The following IL1RAPL1 variants were observed in gnomAD, a reference collection of about 807,000 sequenced individuals.
The protein encoded by IL1RAPL1 is interleukin 1 receptor accessory protein like 1, also known as interleukin-1 receptor accessory protein-like 1.
IL1RAPL1 carries 3 observed loss-of-function variants against 48.4 expected under a neutral mutation model. The ratio of observed to expected loss-of-function variants is 0.06; its 90% confidence interval spans 0.03 to 0.16. The LOEUF (loss-of-function observed/expected upper bound fraction) is 0.16. IL1RAPL1 is among the 10% of genes least tolerant of loss of function. The pLI is 1.00. For synonymous variants in IL1RAPL1, 185 were observed against 187.7 expected, an observed-to-expected ratio of 0.99 and a Z score of 0.12; for missense variants, 349 against 530.6, an observed-to-expected ratio of 0.66 and a Z score of 3.36.
intron 5 of IL1RAPL1, among the ~76,000 whole-genome samples, chrX:29,667,697 G>T (rs965442817): frequency 3.6e-5 from 4 of 112,086 alleles, no homozygotes; most frequent in African/African-American, 1.3e-4. Flanking sequence ...CAAACTCTTA[G>T]ATTTGTGGGC....
intron 1 of IL1RAPL1, among the ~76,000 whole-genome samples, chrX:28,640,079 A>T (rs1934514873): frequency 8.9e-6 from 1 of 111,871 alleles, no homozygotes; most frequent in Non-Finnish European, 1.9e-5. Context: ...CCAGGAACAT[A>T]TAGTGGCCAT....
rs60632925 is a variant in IL1RAPL1, at chrX:29,122,409, T to TCTCACACA, written c.83-160528_83-160527insTCACACAC. 9.1e-3 allele frequency among the ~76,000 whole-genome samples: 585 copies of TCTCACACA among 64,575 alleles called. 11 individuals are homozygous for TCTCACACA. The highest frequency in any genetic ancestry group is 0.027 in the African/African-American group (340 of 12,819). 56.1% of individuals were successfully genotyped at this position (64,575 alleles called of 115,157 possible). ...CTCTCTCTCTCTTTCTCTCTCTCTC[T>TCTCACACA]CACACACACACACACACACACACAC... On this transcript the variant is annotated intron_variant, in intron 2 of 10. Transcript: ENST00000378993.
chrX:29,879,316 T>C lies in IL1RAPL1; in HGVS notation c.779-38148T>C, dbSNP rs1316748622. 7.4e-5 allele frequency among the ~76,000 whole-genome samples: 8 copies of C among 107,438 alleles called. No homozygotes were observed. In the Admixed American group the frequency reaches 8.1e-4, roughly 11 times the overall value. 93.3% of individuals were successfully genotyped at this position (107,438 alleles called of 115,157 possible). On this transcript the variant is annotated intron_variant, in intron 6 of 10. Coordinates refer to ENST00000378993, the MANE Select transcript of IL1RAPL1 (RefSeq NM_014271.4). ...TAAGACTTTGGGGGTGATGAAACTGTTCTGTAACCTGATTGGGGTGTTGGG... is the reference window on the plus strand; with the variant it reads ...TAAGACTTTGGGGGTGATGAAACTGCTCTGTAACCTGATTGGGGTGTTGGG...
intron 5 of IL1RAPL1, among the ~76,000 whole-genome samples, chrX:29,523,350 A>G (rs1007293917): frequency 3.6e-5 from 4 of 111,597 alleles, no homozygotes; most frequent in Non-Finnish European, 1.9e-5. Context: ...TTCCAAGAGC[A>G]CTGTCCCCTT....
chrX:29,417,257 A>G (rs1290541470), intron 5 of IL1RAPL1, among the ~76,000 whole-genome samples: 1 of 111,935 alleles, frequency 8.9e-6, no homozygotes, highest in Non-Finnish European at 1.9e-5. Context: ...TCTAAAAACT[A>G]TTTTTGAGAA....
chrX:29,677,930 T>G lies in IL1RAPL1; in HGVS notation c.778+9426T>G, dbSNP rs1350686121. On this transcript the variant is annotated intron_variant, in intron 6 of 10. Coordinates refer to ENST00000378993, the MANE Select transcript of IL1RAPL1 (RefSeq NM_014271.4). ...CATCCTACTACCTTATCTGCCTTGG[T>G]TTTGTTGAAATATACCCTAGTAGGA... is the stretch of plus-strand genomic sequence containing the variant. 3.6e-5 allele frequency among the ~76,000 whole-genome samples: 4 copies of G among 111,727 alleles called. No individual in the cohort carries two copies. In the Admixed American group the frequency reaches 3.8e-4, roughly 11 times the overall value.
chrX:29,222,465 G>T (rs1931000850), intron 2 of IL1RAPL1, among the ~76,000 whole-genome samples: 1 of 111,652 alleles, frequency 9.0e-6, no homozygotes, highest in Non-Finnish European at 1.9e-5. Context: ...CTTAATGCTA[G>T]GTCAATATTT....
intron 2 of IL1RAPL1, among the ~76,000 whole-genome samples, chrX:28,921,277 C>A (rs1923610498): frequency 9.0e-6 from 1 of 111,365 alleles, no homozygotes; most frequent in East Asian, 2.8e-4. Context: ...AAGGAAATAG[C>A]CATTATATTA....
chrX:28,922,682 C>T (rs1431534544), intron 2 of IL1RAPL1, among the ~76,000 whole-genome samples: 1 of 111,784 alleles, frequency 8.9e-6, no homozygotes, highest in Non-Finnish European at 1.9e-5. Flanking sequence ...TCAAGCGAAT[C>T]AGTTCTTAAG....
intron 5 of IL1RAPL1, among the ~76,000 whole-genome samples, chrX:29,604,931 C>T (rs1923839055): frequency 9.0e-6 from 1 of 110,750 alleles, no homozygotes; most frequent in South Asian, 3.8e-4. Flanking sequence ...TCTCCACACC[C>T]AGGCCAACAT....
intron 2 of IL1RAPL1, among the ~76,000 whole-genome samples, chrX:29,254,420 CGTGTATAT>C (rs1203269861): frequency 9.2e-6 from 1 of 108,390 alleles, no homozygotes; most frequent in East Asian, 2.9e-4. Flanking sequence ...TAAATGTTTC[CGTGTATAT>C]GTGTAGATGG....
rs189790649 is a variant in IL1RAPL1 at position 28,778,518 on chromosome X, G to C, written c.-24-10802G>C. On this transcript the variant is annotated intron_variant, in intron 1 of 10. Transcript: ENST00000378993. ...AAAGTTTCTTTGGTATGGGCTTTTG[G>C]AGCTGAATTACAGTGGAGGGCATGA... Among the ~76,000 whole-genome samples the C allele has an allele frequency of 1.9e-3, 218 of 111,898 alleles. 1 individual carries two copies. The highest frequency in any genetic ancestry group is 6.9e-3 in the African/African-American group (214 of 30,869).
chrX:28,767,189 T>C (rs1261084814), intron 1 of IL1RAPL1, among the ~76,000 whole-genome samples: 1 of 111,629 alleles, frequency 9.0e-6, no homozygotes, highest in Non-Finnish European at 1.9e-5. Flanking sequence ...CTCCACATCC[T>C]TGCCAGCATT....
chrX:29,459,760 T>C (rs1326532275), intron 5 of IL1RAPL1, among the ~76,000 whole-genome samples: 2 of 112,121 alleles, frequency 1.8e-5, no homozygotes, highest in Admixed American at 9.5e-5. Context: ...CTTATCACTT[T>C]TGTGGTGAGA....
At chrX:29,085,246 G>T (rs894803596) in intron 2 of IL1RAPL1, among the ~76,000 whole-genome samples, 1 of 111,508 alleles carries the variant, frequency 9.0e-6, no homozygotes, top group Non-Finnish European at 1.9e-5. Flanking sequence ...TTGGTCAGTT[G>T]TGAGAAAGAG....
intron 2 of IL1RAPL1, among the ~76,000 whole-genome samples, chrX:28,950,324 G>C (rs1489033429): frequency 1.2e-4 from 9 of 76,141 alleles, no homozygotes; most frequent in African/African-American, 4.2e-4. Context: ...CCAGTACCAT[G>C]CTGTTTTGGT....
At chrX:29,455,859 T>G (rs750493798) in intron 5 of IL1RAPL1, among the ~76,000 whole-genome samples, 1 of 111,252 alleles carries the variant, frequency 9.0e-6, no homozygotes, top group African/African-American at 3.3e-5. Context: ...ACGTTAAAAT[T>G]GTTAGGGAAA....
At chrX:29,803,178 T>TATATGTATATATGTATACATATACAC (rs1240670952) in intron 6 of IL1RAPL1, among the ~76,000 whole-genome samples, 2 of 43,384 alleles carry the variant, frequency 4.6e-5, no homozygotes, top group South Asian at 1.0e-3. Context: ...TATGCATACA[T>TATATGTATATATGTATACATATACAC]ATATGTATAT....
chrX:29,157,499 A>G (rs1032761128), intron 2 of IL1RAPL1, among the ~76,000 whole-genome samples: 2 of 112,047 alleles, frequency 1.8e-5, no homozygotes, highest in African/African-American at 6.5e-5. Context: ...GTGTGTAACT[A>G]GGATGTGTAA....
Sources: gnomAD v4.1 joint callset for allele counts (sites outside exome capture counted in the v4.1 genomes callset) on GRCh38, gnomAD v4.1.1 for gene constraint, MANE v1.5 for transcripts, NCBI Gene and HGNC (gene_info 2026-07-23, HGNC 2026-07-21) for gene names.